Variants in CCDC144A observed in about 807,000 individuals in gnomAD.
CCDC144A encodes the protein coiled-coil domain-containing protein 144A.
In CCDC144A, 41 loss-of-function variants were observed where a neutral mutation model predicts 143.8. The observed-to-expected ratio is 0.29, with a 90% CI of 0.22 to 0.37. The LOEUF (loss-of-function observed/expected upper bound fraction) is 0.37. Ranked by LOEUF, CCDC144A falls within the 10% of genes least tolerant of loss-of-function variation. The pLI, the probability that CCDC144A is intolerant of heterozygous loss-of-function variation, is 1.00. For missense variants in CCDC144A, 637 were observed against 1,488.8 expected (o/e 0.43, Z 9.41); for synonymous variants, 242 against 517.9 (o/e 0.47, Z 7.23).
At chr17:16,669,924 T>C in the CCDC144A span, among the ~76,000 whole-genome samples, 1 of 152,160 alleles carries the variant, frequency 6.6e-6, no homozygotes, top group East Asian at 1.9e-4. Context: ...GCCCGGTGGC[T>C]ATAATCCCAG....
intron 12 of CCDC144A, among the ~76,000 whole-genome samples, chr17:16,739,693 C>G (rs1914174834): frequency 1.3e-5 from 2 of 151,916 alleles, no homozygotes; most frequent in Non-Finnish European, 1.5e-5. Context: ...TTTTTACACC[C>G]TTGTTGAAAA....
intron 12 of CCDC144A, chr17:16,737,460 C>T: frequency 1.6e-6 from 2 of 1,265,422 alleles, no homozygotes; most frequent in Non-Finnish European, 2.1e-6. Flanking sequence ...GCCACCGCGC[C>T]CGGCCAGAGT....
intron 5 of CCDC144A, chr17:16,710,345 A>G (rs1912331279): frequency 6.6e-6 from 1 of 150,884 alleles, no homozygotes; most frequent in Non-Finnish European, 1.5e-5. Flanking sequence ...TGGGCAACGT[A>G]GTGAGACCTC....
intron 12 of CCDC144A, chr17:16,746,733 G>A: frequency 6.2e-7 from 1 of 1,611,492 alleles, no homozygotes; most frequent in South Asian, 1.1e-5. Context: ...TCCTTGGTGA[G>A]GCCCGGAGGC....
intron 5 of CCDC144A, among the ~76,000 whole-genome samples, chr17:16,711,136 G>GA (rs1210697273): frequency 0.039 from 849 of 21,726 alleles, 72 homozygotes; most frequent in Middle Eastern, 0.12. Context: ...GGATTCAAAT[G>GA]AAAAAAAAAA....
intron 6 of CCDC144A, among the ~76,000 whole-genome samples, chr17:16,716,442 A>G (rs1175548675): frequency 6.6e-6 from 1 of 151,868 alleles, no homozygotes; most frequent in African/African-American, 2.4e-5. Context: ...TGTTTACTTC[A>G]TAAAAAAGTA....
chr17:16,683,827 G>A, the CCDC144A span: 2 of 1,404,668 alleles, frequency 1.4e-6, no homozygotes, highest in East Asian at 2.3e-5. Flanking sequence ...GCGTGAAGCC[G>A]GCGCCTCCAG....
rs535181681 is a variant in CCDC144A at position 16,745,165 on chromosome 17, G to C, written c.3372+9522G>C. Among the ~76,000 whole-genome samples, 30 of 151,556 alleles carry C rather than the reference G, an allele frequency of 2.0e-4. No homozygotes were observed. The East Asian group carries it at 5.8e-3, about 29-fold the overall frequency. On this transcript the variant is annotated intron_variant, in intron 12 of 16. Transcript: ENST00000399273. ...TTGCAGGCATGGCTGACTCACAAAG[G>C]TTGTAACAAACAAGAACTACTCTTC... is the stretch of plus-strand genomic sequence containing the variant.
chr17:16,728,478 G>A (rs1430980728), intron 9 of CCDC144A, among the ~76,000 whole-genome samples: 7 of 152,114 alleles, frequency 4.6e-5, no homozygotes, highest in Non-Finnish European at 1.0e-4. Context: ...TTTTTCACAA[G>A]AATGTTTGTG....
chr17:16,771,646 A>G (rs1483245705), intron 15 of CCDC144A, among the ~76,000 whole-genome samples: 2 of 152,258 alleles, frequency 1.3e-5, no homozygotes, highest in African/African-American at 4.8e-5. Flanking sequence ...TAAGAATGGG[A>G]AAGTAATGCA....
the CCDC144A span, among the ~76,000 whole-genome samples, chr17:16,669,892 T>A: frequency 5.7e-3 from 865 of 152,316 alleles, 9 homozygotes; most frequent in African/African-American, 0.02. Context: ...CCAAAAATTA[T>A]AGAAAACTAT....
chr17:16,707,457 T>C lies in CCDC144A; in HGVS notation c.665-12T>C. The C allele has an allele frequency of 6.3e-7, 1 of 1,592,392 alleles. No individual in the cohort carries two copies. Among genetic ancestry groups the C allele is most frequent in the Non-Finnish European group, 8.6e-7 (1 of 1,168,148 alleles). Reference sequence around the variant, plus strand: ...GTTCTAAGTAGTTTAACTGAATGTTTGGATTTTGCAGCAGAACAAGACTCG... The same window carrying C: ...GTTCTAAGTAGTTTAACTGAATGTTCGGATTTTGCAGCAGAACAAGACTCG... On this transcript the variant is annotated splice_polypyrimidine_tract_variant and intron_variant, in intron 3 of 16. Coordinates refer to ENST00000399273, the MANE Select transcript of CCDC144A (RefSeq NM_001382000.1).
chr17:16,700,147 G>C (rs1911650263), intron 2 of CCDC144A, among the ~76,000 whole-genome samples: 3 of 152,134 alleles, frequency 2.0e-5, no homozygotes, highest in South Asian at 4.1e-4. Flanking sequence ...ACAGCAAAAA[G>C]ACACAAAGCA....
chr17:16,670,768 A>G, the CCDC144A span, among the ~76,000 whole-genome samples: 8,619 of 151,926 alleles, frequency 0.057, 397 homozygotes, highest in Middle Eastern at 0.17. Context: ...CTTGGCCTCC[A>G]AAAGGGCCGG....
chr17:16,739,837 G>A (rs929402507), intron 12 of CCDC144A, among the ~76,000 whole-genome samples: 8 of 151,514 alleles, frequency 5.3e-5, no homozygotes, highest in Admixed American at 2.0e-4. Flanking sequence ...ATTACCAGTT[G>A]TCTTATGTAA....
At chr17:16,696,742 A>G (rs1911439209) in intron 2 of CCDC144A, among the ~76,000 whole-genome samples, 2 of 152,002 alleles carry the variant, frequency 1.3e-5, no homozygotes, top group South Asian at 2.1e-4. Context: ...TAAATACTAG[A>G]TGACCTAACT....
chr17:16,748,168 C>G (rs1433840113), intron 12 of CCDC144A, among the ~76,000 whole-genome samples: 1 of 152,202 alleles, frequency 6.6e-6, no homozygotes, highest in Admixed American at 6.5e-5. Context: ...CAAGCATGAG[C>G]CAGTGCACTT....
the CCDC144A span, among the ~76,000 whole-genome samples, chr17:16,673,395 T>C: frequency 6.6e-6 from 1 of 151,964 alleles, no homozygotes; most frequent in African/African-American, 2.4e-5. Context: ...TCATTTTTTT[T>C]TTTTTTTTGA....
intron 12 of CCDC144A, among the ~76,000 whole-genome samples, chr17:16,759,675 C>T (rs1436532792): frequency 2.0e-5 from 3 of 152,060 alleles, no homozygotes; most frequent in Admixed American, 2.0e-4. Context: ...TAAAACTCTT[C>T]TTGTTTTTGT....
Sources: allele counts gnomAD v4.1 joint callset (sites outside exome capture counted in the v4.1 genomes callset), GRCh38; gene constraint gnomAD v4.1.1; transcripts MANE v1.5; gene names NCBI Gene and HGNC (gene_info 2026-07-23, HGNC 2026-07-21).